The following GNA14 variants were observed in gnomAD, a reference collection of about 807,000 sequenced individuals.
GNA14 encodes the protein guanine nucleotide-binding protein subunit alpha-14.
GNA14 carries 50 observed loss-of-function variants against 42.0 expected under a neutral mutation model. The ratio of observed to expected loss-of-function variants is 1.19; its 90% confidence interval spans 0.95 to 1.51. The LOEUF is 1.51. Among genes scored for constraint, GNA14 ranks in the 40% most tolerant of loss-of-function variants. GNA14 has a pLI of 0.00. For missense variants in GNA14, 473 were observed against 446.2 expected, an observed-to-expected ratio of 1.06 and a Z score of -0.54; for synonymous variants, 173 against 163.1, an observed-to-expected ratio of 1.06 and a Z score of -0.46.
intron 1 of GNA14, among the ~76,000 whole-genome samples, chr9:77,541,472 A>T (rs1016155714): frequency 1.3e-5 from 2 of 152,102 alleles, no homozygotes; most frequent in African/African-American, 4.8e-5. Context: ...GAATCCTCTC[A>T]TTGTCATTAA....
At chr9:77,489,071 C>T (rs575436613) in intron 2 of GNA14, among the ~76,000 whole-genome samples, 1 of 152,012 alleles carries the variant, frequency 6.6e-6, no homozygotes, top group South Asian at 2.1e-4. Flanking sequence ...AAATTGAACA[C>T]AGAGATTAAA....
chr9:77,596,193 A>G (rs1823464712), intron 1 of GNA14, among the ~76,000 whole-genome samples: 1 of 152,062 alleles, frequency 6.6e-6, no homozygotes, highest in Non-Finnish European at 1.5e-5. Context: ...ATAGAGGTCA[A>G]TAAACAAATG....
intron 2 of GNA14, among the ~76,000 whole-genome samples, chr9:77,525,096 T>C (rs578180384): frequency 6.6e-6 from 1 of 152,322 alleles, no homozygotes; most frequent in African/African-American, 2.4e-5. Context: ...AACTTACTAT[T>C]CTTATTATAC....
chr9:77,472,552 G>C (rs1836349989), intron 2 of GNA14, among the ~76,000 whole-genome samples: 1 of 152,090 alleles, frequency 6.6e-6, no homozygotes, highest in South Asian at 2.1e-4. Flanking sequence ...TGAAATATTA[G>C]AGCTAATAAA....
In GNA14 at chr9:77,518,896, C is replaced by A. The variant is rs575506773; in HGVS notation, c.309+10173G>T. ...TTTAAAATTTGATTTAGATAAAATA[C>A]GCAGTTAAACATAAAAGATATTTTA... On this transcript the variant is annotated intron_variant, in intron 2 of 6. Coordinates refer to ENST00000341700, the MANE Select transcript of GNA14 (RefSeq NM_004297.4). 2.0e-5 allele frequency among the ~76,000 whole-genome samples: 3 copies of A among 152,110 alleles called. No individual in the cohort carries two copies. In the South Asian group the frequency reaches 6.2e-4, roughly 32 times the overall value.
chr9:77,590,692 A>G (rs1195265588), intron 1 of GNA14, among the ~76,000 whole-genome samples: 1 of 152,024 alleles, frequency 6.6e-6, no homozygotes, highest in Non-Finnish European at 1.5e-5. Flanking sequence ...AACAAAGGTA[A>G]TACTTAGGTC....
At chr9:77,430,411 T>G (rs528383274) in intron 4 of GNA14, among the ~76,000 whole-genome samples, 121 of 152,330 alleles carry the variant, frequency 7.9e-4, no homozygotes, top group Non-Finnish European at 1.7e-3. Flanking sequence ...CTTGGGAGTC[T>G]GAGAGGTTTT....
chr9:77,491,242 C>T (rs1836769955), intron 2 of GNA14, among the ~76,000 whole-genome samples: 1 of 152,130 alleles, frequency 6.6e-6, no homozygotes, highest in South Asian at 2.1e-4. Context: ...AAAATGCTAA[C>T]ATGCAAAAAG....
intron 1 of GNA14, among the ~76,000 whole-genome samples, chr9:77,563,993 A>G (rs1822925068): frequency 6.6e-6 from 1 of 152,130 alleles, no homozygotes; most frequent in African/African-American, 2.4e-5. Flanking sequence ...CCATTTTTGC[A>G]AAAAGATGTC....
At chr9:77,499,559 T>G (rs984261106) in intron 2 of GNA14, among the ~76,000 whole-genome samples, 6 of 152,178 alleles carry the variant, frequency 3.9e-5, no homozygotes, top group Non-Finnish European at 8.8e-5. Flanking sequence ...ATATAAACAT[T>G]TAAAAGAATG....
At chr9:77,491,561 CAA>C (rs1288120230) in intron 2 of GNA14, among the ~76,000 whole-genome samples, 1 of 152,042 alleles carries the variant, frequency 6.6e-6, no homozygotes, top group Non-Finnish European at 1.5e-5. Flanking sequence ...TAAAAAGAGA[CAA>C]ATAATTAATT....
intron 2 of GNA14, among the ~76,000 whole-genome samples, chr9:77,498,392 A>AAAG (rs1554691954): frequency 2.8e-5 from 4 of 144,880 alleles, no homozygotes; most frequent in South Asian, 2.2e-4. Flanking sequence ...AAAAAAAGAA[A>AAAG]AAAAAGAAAA....
At chr9:77,493,541 G>A (rs1020510630) in intron 2 of GNA14, among the ~76,000 whole-genome samples, 1 of 152,172 alleles carries the variant, frequency 6.6e-6, no homozygotes, top group Non-Finnish European at 1.5e-5. Flanking sequence ...GAACAGGACT[G>A]TGGATCATGT....
At chr9:77,433,830 G>A (rs1214463128) in intron 3 of GNA14, among the ~76,000 whole-genome samples, 1 of 152,220 alleles carries the variant, frequency 6.6e-6, no homozygotes, top group East Asian at 1.9e-4. Context: ...AGCTTCCTGT[G>A]TGTGCTGCGA....
rs141347886 is a variant in GNA14 at position 77,571,053 on chromosome 9, T to C, written c.125-41800A>G. Among the ~76,000 whole-genome samples, 29 of 150,342 alleles carry C rather than the reference T, an allele frequency of 1.9e-4. No individual in the cohort carries two copies. The East Asian group carries it at 3.7e-3, about 19-fold the overall frequency. ...GGTATTATTTTATAGATGAGAAAAC[T>C]GAGGTTCAAAAAATGGGCTAGAATT... is the stretch of plus-strand genomic sequence containing the variant. On this transcript the variant is annotated intron_variant, in intron 1 of 6. Coordinates refer to ENST00000341700, the MANE Select transcript of GNA14 (RefSeq NM_004297.4).
At chr9:77,443,078 G>A (rs1034014) in intron 2 of GNA14, among the ~76,000 whole-genome samples, 33,121 of 152,050 alleles carry the variant, frequency 0.22, 4,241 homozygotes, top group East Asian at 0.49. Flanking sequence ...GATGGAAGTG[G>A]AGAAATGGAC....
chr9:77,600,251 T>C (rs563049929), intron 1 of GNA14, among the ~76,000 whole-genome samples: 2 of 152,340 alleles, frequency 1.3e-5, no homozygotes, highest in South Asian at 4.1e-4. Context: ...TTTTCTTCCG[T>C]GCAATTCGCA....
chr9:77,476,892 G>A (rs1376435463), intron 2 of GNA14, among the ~76,000 whole-genome samples: 1 of 152,188 alleles, frequency 6.6e-6, no homozygotes, highest in African/African-American at 2.4e-5. Flanking sequence ...CATTTAGAAA[G>A]GTGGTGGTGT....
chr9:77,484,622 G>A (rs1445679872), intron 2 of GNA14, among the ~76,000 whole-genome samples: 2 of 152,138 alleles, frequency 1.3e-5, no homozygotes, highest in African/African-American at 4.8e-5. Flanking sequence ...ATATCTTGTA[G>A]TACAGTTGTC....
Sources: gnomAD v4.1 joint callset for allele counts (sites outside exome capture counted in the v4.1 genomes callset) on GRCh38, gnomAD v4.1.1 for gene constraint, MANE v1.5 for transcripts, NCBI Gene and HGNC (gene_info 2026-07-23, HGNC 2026-07-21) for gene names.